Variants in DPP10 observed in about 807,000 individuals in gnomAD.
The protein encoded by DPP10 is dipeptidyl peptidase like 10.
Under a neutral mutation model 120.9 loss-of-function variants are expected in DPP10, and 33 were observed. That is an observed-to-expected ratio of 0.27 (90% CI 0.21 to 0.37). The LOEUF is 0.37. Ranked by LOEUF, DPP10 falls within the 10% of genes least tolerant of loss-of-function variation. The probability of loss-of-function intolerance (pLI) is 1.00; values close to 1 mark genes in which losing one functional copy is unlikely to be tolerated. For synonymous variants in DPP10, 337 were observed against 326.1 expected, an observed-to-expected ratio of 1.03 and a Z score of -0.36; for missense variants, 816 against 942.8, an observed-to-expected ratio of 0.87 and a Z score of 1.76.
intron 5 of DPP10, among the ~76,000 whole-genome samples, chr2:115,626,347 GATTA>G (rs1191963147): frequency 7.2e-5 from 11 of 151,794 alleles, no homozygotes; most frequent in African/African-American, 2.7e-4. Context: ...ACTTTTACTT[GATTA>G]ATTAATTTGT....
At chr2:115,273,003 C>G (rs1463568449) in intron 1 of DPP10, among the ~76,000 whole-genome samples, 2 of 151,832 alleles carry the variant, frequency 1.3e-5, no homozygotes, top group African/African-American at 4.9e-5. Context: ...CAAAAGTGAA[C>G]AACCACAACT....
intron 5 of DPP10, among the ~76,000 whole-genome samples, chr2:115,682,485 G>A (rs947074139): frequency 6.6e-6 from 1 of 151,832 alleles, no homozygotes; most frequent in South Asian, 2.1e-4. Context: ...GGAACTCTAA[G>A]AGCAATTCTA....
chr2:114,731,402 GTC>G (rs1676900740), intron 1 of DPP10, among the ~76,000 whole-genome samples: 1 of 151,972 alleles, frequency 6.6e-6, no homozygotes, highest in South Asian at 2.1e-4. Context: ...TGGTTTCAAG[GTC>G]TCTCTCAGGA....
chr2:114,938,729 C>CTTTTTT (rs5833569), intron 1 of DPP10, among the ~76,000 whole-genome samples: 2 of 102,594 alleles, frequency 1.9e-5, no homozygotes, highest in Non-Finnish European at 2.1e-5. Context: ...CACTTTGTCC[C>CTTTTTT]TTTTTTTTTT....
rs192932805 is a variant in DPP10 at position 114,912,824 on chromosome 2, G to A, written c.61-396415G>A. On this transcript the variant is annotated intron_variant, in intron 1 of 25. Coordinates refer to ENST00000410059, the MANE Select transcript of DPP10 (RefSeq NM_020868.6). ...ATGATTCTCATGGATATTTGAGCTG[G>A]CAGGGAACTGCCCAGAGAGTTGATG... 6.8e-3 allele frequency among the ~76,000 whole-genome samples: 1,030 copies of A among 152,298 alleles called. 6 individuals are homozygous for A. The highest frequency in any genetic ancestry group is 0.011 in the Non-Finnish European group (754 of 68,020).
chr2:115,780,652 A>G (rs1682642035), intron 15 of DPP10, among the ~76,000 whole-genome samples: 1 of 151,846 alleles, frequency 6.6e-6, no homozygotes, highest in African/African-American at 2.4e-5. Context: ...ACATAAAATA[A>G]TACATAATTT....
chr2:115,639,721 C>T (rs761765038), intron 5 of DPP10, among the ~76,000 whole-genome samples: 1 of 151,904 alleles, frequency 6.6e-6, no homozygotes, highest in Non-Finnish European at 1.5e-5. Context: ...TTTCTGAAAC[C>T]TCCTTGCAGA....
intron 19 of DPP10, among the ~76,000 whole-genome samples, chr2:115,807,861 T>G (rs1686191469): frequency 6.6e-6 from 1 of 151,654 alleles, no homozygotes; most frequent in Non-Finnish European, 1.5e-5. Context: ...CACGAAAAAT[T>G]CTGATTGAGG....
intron 1 of DPP10, among the ~76,000 whole-genome samples, chr2:115,204,124 T>C (rs1416966884): frequency 0.017 from 1 of 58 alleles, no homozygotes; most frequent in Non-Finnish European, 0.05. Context: ...ATTTTACTAA[T>C]TAGTGAAATG....
chr2:114,949,174 C>T (rs1051417005), intron 1 of DPP10, among the ~76,000 whole-genome samples: 6 of 152,036 alleles, frequency 3.9e-5, no homozygotes, highest in Non-Finnish European at 7.4e-5. Flanking sequence ...GCACCCGCCT[C>T]GGCCTCCCAA....
At chr2:114,599,796 C>G (rs1329641183) in intron 1 of DPP10, among the ~76,000 whole-genome samples, 6 of 151,634 alleles carry the variant, frequency 4.0e-5, no homozygotes, top group Non-Finnish European at 7.4e-5. Flanking sequence ...ACTTTATAGT[C>G]AGCTTTTATG....
At chr2:115,489,416 G>A (rs2075973638) in intron 3 of DPP10, among the ~76,000 whole-genome samples, 1 of 151,860 alleles carries the variant, frequency 6.6e-6, no homozygotes, top group African/African-American at 2.4e-5. Flanking sequence ...GGCTGTGATG[G>A]GAAGGGATGT....
chr2:114,963,562 A>G (rs1698801457), intron 1 of DPP10, among the ~76,000 whole-genome samples: 1 of 152,234 alleles, frequency 6.6e-6, no homozygotes, highest in South Asian at 2.1e-4. Flanking sequence ...TCCCTTCTCT[A>G]CATAACCAGG....
chr2:115,209,488 T>C (rs1196864144), intron 1 of DPP10, among the ~76,000 whole-genome samples: 1 of 152,214 alleles, frequency 6.6e-6, no homozygotes, highest in East Asian at 1.9e-4. Flanking sequence ...CATCTCAGCA[T>C]GTGAAACTGT....
At chr2:114,602,733 G>A (rs1467898249) in intron 1 of DPP10, among the ~76,000 whole-genome samples, 1 of 152,026 alleles carries the variant, frequency 6.6e-6, no homozygotes, top group African/African-American at 2.4e-5. Flanking sequence ...AGAGAGTGGT[G>A]TACGTGAGAA....
In DPP10 at chr2:115,149,692, CTGTT is replaced by C. The variant is rs781673813; in HGVS notation, c.61-159529_61-159526del. ...TTCTAAGAAATTCTGTTTTGTTTGTCTGTTTGTTTGTTTGTTTGTTTTAACACCA... is the reference window on the plus strand; with the variant it reads ...TTCTAAGAAATTCTGTTTTGTTTGTCTGTTTGTTTGTTTGTTTTAACACCA... On this transcript the variant is annotated intron_variant, in intron 1 of 25. Transcript: ENST00000410059. Among the ~76,000 whole-genome samples the C allele has an allele frequency of 4.1e-3, 618 of 152,126 alleles. 2 individuals are homozygous for C. The highest frequency in any genetic ancestry group is 0.014 in the African/African-American group (563 of 41,510).
intron 4 of DPP10, among the ~76,000 whole-genome samples, chr2:115,517,730 A>G (rs1031387607): frequency 2.6e-4 from 40 of 152,314 alleles, no homozygotes; most frequent in African/African-American, 7.5e-4. Context: ...AAAAGCTGCA[A>G]TTAATCCAAT....
intron 2 of DPP10, among the ~76,000 whole-genome samples, chr2:115,329,623 TC>T (rs2062585285): frequency 6.6e-6 from 1 of 152,084 alleles, no homozygotes; most frequent in South Asian, 2.1e-4. Context: ...TGTGTGATGT[TC>T]CCCTTCCTGT....
At chr2:115,103,721 A>G (rs2048812381) in intron 1 of DPP10, among the ~76,000 whole-genome samples, 1 of 152,256 alleles carries the variant, frequency 6.6e-6, no homozygotes, top group Non-Finnish European at 1.5e-5. Flanking sequence ...GAAGAATCAG[A>G]AAGGGGAATG....
Sources: gnomAD v4.1 joint callset for allele counts (sites outside exome capture counted in the v4.1 genomes callset) on GRCh38, gnomAD v4.1.1 for gene constraint, MANE v1.5 for transcripts, NCBI Gene and HGNC (gene_info 2026-07-23, HGNC 2026-07-21) for gene names.